The following PCYOX1L variants were observed in gnomAD, a reference collection of about 807,000 sequenced individuals.
PCYOX1L encodes prenylcysteine oxidase 1-like.
In PCYOX1L, 40 loss-of-function variants were observed where a neutral mutation model predicts 44.1. The ratio of observed to expected loss-of-function variants is 0.91; its 90% CI spans 0.70 to 1.18. The LOEUF is 1.18. Among genes scored for constraint, PCYOX1L ranks in the 50% most tolerant of loss-of-function variants. The pLI is 0.00. For missense variants in PCYOX1L, 605 were observed against 653.3 expected, an observed-to-expected ratio of 0.93 and a Z score of 0.81; for synonymous variants, 266 against 282.8, an observed-to-expected ratio of 0.94 and a Z score of 0.60.
At chr5:149,363,129 T>C (rs1007099130) in intron 2 of PCYOX1L, 4 of 563,068 alleles carry the variant, frequency 7.1e-6, no homozygotes, top group Non-Finnish European at 1.3e-5. Context: ...TTCCACATGC[T>C]AGTGCTTGCC....
chr5:149,363,297 A>G (rs1758074181), intron 2 of PCYOX1L: 2 of 354,078 alleles, frequency 5.6e-6, no homozygotes, highest in Non-Finnish European at 1.1e-5. Context: ...ACCCAGCAGC[A>G]TCTGTCCAAT....
Position 149,368,141 on chromosome 5 carries a change from C to T in PCYOX1L, c.972C>T (p.Asp324=), listed in dbSNP as rs200595987. 16 of 1,613,236 alleles carry T rather than the reference C, an allele frequency of 9.9e-6. No individual in the cohort carries two copies. Among genetic ancestry groups the T allele is most frequent in the South Asian group, 4.4e-5 (4 of 90,966 alleles). The stretch of plus-strand genomic sequence containing the variant: ...CAGGCTTCCACCCGCCCATTGATGA[C>T]GTGCAGGGCTCTTTCCAGCCCACCG... ...TFAGFHPPID[D]VQGSFQPTVV... Residue 324 remains aspartate, a synonymous_variant, in exon 6 of 6, where the codon GAC becomes GAT. Coordinates refer to ENST00000274569, the MANE Select transcript of PCYOX1L (RefSeq NM_024028.4).
rs747203214 is a variant in PCYOX1L, at chr5:149,362,851, G to A, written c.295+8G>A. On this transcript the variant is annotated splice_region_variant and intron_variant, in intron 2 of 5. Coordinates refer to ENST00000274569, the MANE Select transcript of PCYOX1L (RefSeq NM_024028.4). ...ACTTCGTCAAGCTGCTGGGTGAGTG[G>A]TCAGTCCTGGGGCTCCAGTGCCCAG... The A allele has an allele frequency of 6.2e-7, 1 of 1,613,250 alleles. No homozygotes were observed. The highest frequency in any genetic ancestry group is 1.3e-5 in the African/African-American group (1 of 74,954).
rs1758055204 is a variant in PCYOX1L at position 149,362,805 on chromosome 5, C to T, written c.257C>T (p.Ser86Phe). The T allele has an allele frequency of 1.2e-6, 2 of 1,614,020 alleles. No homozygotes were observed. Among genetic ancestry groups the T allele is most frequent in the Admixed American group, 1.7e-5 (1 of 60,012 alleles). ...GAGAGCGGGGCTGCCTCCTTCCACT[C>T]CCTGAGCCTGCACATGCAGGACTTC... is the stretch of plus-strand genomic sequence containing the variant. ...HYESGAASFH[S>F]LSLHMQDFVK... is the part of the protein sequence containing the mutation. Residue 86 changes from serine (S) to phenylalanine (F), a missense_variant, in exon 2 of 6, where the codon TCC becomes TTC. Coordinates refer to ENST00000274569, the MANE Select transcript of PCYOX1L (RefSeq NM_024028.4).
In PCYOX1L at chr5:149,362,427, G is replaced by A. The variant is rs906915817; in HGVS notation, c.89-210G>A. The A allele has an allele frequency of 1.4e-5, 8 of 584,070 alleles. No individual in the cohort carries two copies. In the Middle Eastern group the frequency reaches 1.4e-3, roughly 99 times the overall value. The allele number at this position is 584,070 out of a possible 1,614,324, so 36.2% of individuals were successfully genotyped here. On this transcript the variant is annotated intron_variant, in intron 1 of 5. Coordinates refer to ENST00000274569, the MANE Select transcript of PCYOX1L (RefSeq NM_024028.4). ...ATACCTTTTTCTTTATGAAACGAAA[G>A]TATAGTAGGCAGCAGTTTTCAGGTT... is the stretch of plus-strand genomic sequence containing the variant.
At chr5:149,359,623 C>T (rs1757953039) in intron 1 of PCYOX1L, among the ~76,000 whole-genome samples, 1 of 152,222 alleles carries the variant, frequency 6.6e-6, no homozygotes, top group African/African-American at 2.4e-5. Flanking sequence ...CAGGACATTT[C>T]TCACCATTGG....
chr5:149,365,021 C>G (rs1054089439), intron 3 of PCYOX1L: 2 of 152,804 alleles, frequency 1.3e-5, no homozygotes, highest in African/African-American at 4.8e-5. Flanking sequence ...TTCAGTGTCA[C>G]TCAAGTGTGG....
Position 149,368,345 on chromosome 5 carries a change from T to A in PCYOX1L, c.1176T>A (p.Ala392=). Residue 392 remains alanine, a synonymous_variant, in exon 6 of 6, where the codon GCT becomes GCA. Transcript: ENST00000274569. ...SFRRKQPQEA[A]VWRVQSPKPL... Reference sequence around the variant, plus strand: ...GGCGAAAGCAGCCCCAGGAGGCAGCTGTTTGGCGAGTCCAGTCCCCCAAGC... The same window carrying A: ...GGCGAAAGCAGCCCCAGGAGGCAGCAGTTTGGCGAGTCCAGTCCCCCAAGC... 6.2e-7 allele frequency: 1 copy of A among 1,614,186 alleles called. No homozygotes were observed. The highest frequency in any genetic ancestry group is 8.5e-7 in the Non-Finnish European group (1 of 1,180,028).
rs200064720 is a variant in PCYOX1L at position 149,361,664 on chromosome 5, TG to T, written c.89-972del. The stretch of plus-strand genomic sequence containing the variant: ...TTTTTTTGAGATGGAGTTTTGCTCT[TG>T]TTTCCCAGGCTGGAGTGCAATGGCA... On this transcript the variant is annotated intron_variant, in intron 1 of 5. Coordinates refer to ENST00000274569, the MANE Select transcript of PCYOX1L (RefSeq NM_024028.4). 8.7e-3 allele frequency among the ~76,000 whole-genome samples: 1,325 copies of T among 152,282 alleles called. 18 individuals carry two copies. Among genetic ancestry groups the T allele is most frequent in the African/African-American group, 0.03 (1,257 of 41,542 alleles).
chr5:149,368,852 TAAGAAAAGAG>T lies in PCYOX1L; in HGVS notation c.*202_*211del. 2.3e-6 allele frequency: 1 copy of T among 428,000 alleles called. No homozygotes were observed. Among genetic ancestry groups the T allele is most frequent in the Non-Finnish European group, 4.0e-6 (1 of 249,482 alleles). The allele number at this position is 428,000 out of a possible 1,614,324, so 26.5% of individuals were successfully genotyped here. On this transcript the variant is annotated 3_prime_UTR_variant, in exon 6 of 6. Transcript: ENST00000274569. ...TGCTGCTTTTTTTTAAGGGGGAAAG[TAAGAAAAGAG>T]AAGGAAATCCAAGCCAGTATATTTG...
intron 1 of PCYOX1L, among the ~76,000 whole-genome samples, chr5:149,360,308 G>A (rs751554122): frequency 6.6e-6 from 1 of 152,168 alleles, no homozygotes; most frequent in South Asian, 2.1e-4. Flanking sequence ...ATGAAGTGGT[G>A]TCTTCTGCTT....
chr5:149,363,160 G>A (rs1333800697), intron 2 of PCYOX1L: 1 of 476,538 alleles, frequency 2.1e-6, no homozygotes, highest in African/African-American at 1.9e-5. Context: ...TGGGTGGTAT[G>A]TAGGCATTAC....
chr5:149,365,942 GATCT>G lies in PCYOX1L; in HGVS notation c.474_477del (p.Tyr159SerfsTer27). The G allele has an allele frequency of 6.2e-7, 1 of 1,614,140 alleles. No homozygotes were observed. Among genetic ancestry groups the G allele is most frequent in the Non-Finnish European group, 8.5e-7 (1 of 1,180,018 alleles). ...GACTCCAGCTCTATGTGTCTTCTAG[GATCT>G]ATAAGTACCAGGCCCACGGCTATGC... is the stretch of plus-strand genomic sequence containing the variant. On this transcript the variant is annotated frameshift_variant and splice_region_variant, in exon 4 of 6. Transcript: ENST00000274569. LOFTEE classifies it high-confidence loss of function.
In PCYOX1L at chr5:149,364,061, G is replaced by C. The variant is rs750379727; in HGVS notation, c.321G>C (p.Val107=). The C allele has an allele frequency of 2.5e-6, 4 of 1,613,946 alleles. No homozygotes were observed. In the African/African-American group the frequency reaches 5.3e-5, roughly 22 times the overall value. ...GGCTGAGGCACCGGCGCGAGGTGGTGGGCAGGAGCGCCATCTTCGGCGGGG... is the reference window on the plus strand; with the variant it reads ...GGCTGAGGCACCGGCGCGAGGTGGTCGGCAGGAGCGCCATCTTCGGCGGGG... ...LLGLRHRREV[V]GRSAIFGGEH... is the part of the protein sequence containing the mutation. Residue 107 remains valine (V), a synonymous_variant, in exon 3 of 6, where the codon GTG becomes GTC. Coordinates refer to ENST00000274569, the MANE Select transcript of PCYOX1L (RefSeq NM_024028.4).
At position 149,365,980 on chromosome 5, in the gene PCYOX1L, G is replaced by A; in HGVS notation, c.509G>A (p.Gly170Asp). ...CAGGCCCACGGCTATGCCTTCTCGG[G>A]TGTGGAGGAGCTGCTCTACTCACTG... ...KYQAHGYAFS[G>D]VEELLYSLGE... Residue 170 changes from glycine (G) to aspartate (D), a missense_variant, in exon 4 of 6, where the codon GGT (glycine) becomes GAT (aspartate). Transcript: ENST00000274569. 6.2e-7 allele frequency: 1 copy of A among 1,614,220 alleles called. No homozygotes were observed. Among genetic ancestry groups the A allele is most frequent in the Non-Finnish European group, 8.5e-7 (1 of 1,180,032 alleles).
In PCYOX1L at chr5:149,362,358, G is replaced by T. The variant is rs1054156642; in HGVS notation, c.89-279G>T. 1.3e-5 allele frequency: 6 copies of T among 461,794 alleles called. No homozygotes were observed. In the Admixed American group the frequency reaches 1.8e-4, roughly 14 times the overall value. 28.6% of individuals were successfully genotyped at this position (461,794 alleles called of 1,614,324 possible). On this transcript the variant is annotated intron_variant, in intron 1 of 5. Transcript: ENST00000274569. Reference sequence around the variant, plus strand: ...AAACTAAATTTATTCTCTTTAATTGGTCATCCTGACTTTCAGTATTCTTTG... The same window carrying T: ...AAACTAAATTTATTCTCTTTAATTGTTCATCCTGACTTTCAGTATTCTTTG...
chr5:149,366,058 T>C lies in PCYOX1L; in HGVS notation c.587T>C (p.Leu196Pro). The change falls in exon 4 of 6, where the codon CTG becomes CCG. Residue 196 changes from leucine to proline, a missense_variant. Leu to Pro is a moderately conservative substitution (Grantham distance 98). Transcript: ENST00000274569. Reference protein sequence around the residue: ...MTQHSVAESLLQVGVTQRFID... With the variant: ...MTQHSVAESLPQVGVTQRFID... Reference sequence around the variant, plus strand: ...CAGCACTCTGTGGCTGAGTCCCTGCTGCAGGTGGGCGTCACGCAGCGCTTT... The same window carrying C: ...CAGCACTCTGTGGCTGAGTCCCTGCCGCAGGTGGGCGTCACGCAGCGCTTT... 2 of 1,614,264 alleles carry C rather than the reference T, an allele frequency of 1.2e-6. No individual in the cohort carries two copies. Among genetic ancestry groups the C allele is most frequent in the Non-Finnish European group, 1.7e-6 (2 of 1,180,046 alleles).
chr5:149,358,262 G>A, intron 1 of PCYOX1L, 106 bp downstream of exon 1: 2 of 1,265,470 alleles, frequency 1.6e-6, no homozygotes, highest in African/African-American at 1.6e-5. Context: ...GTGAGGGAGG[G>A]GTCCTCGGAA....
At chr5:149,367,897 A>G in intron 5 of PCYOX1L, 96 bp from the exon 6 acceptor site, 1 of 1,319,542 alleles carries the variant, frequency 7.6e-7, no homozygotes, top group Non-Finnish European at 1.0e-6. Context: ...CACCCTGAGC[A>G]CCAGGGTCTC....
Sources: allele counts gnomAD v4.1 joint callset (sites outside exome capture counted in the v4.1 genomes callset), GRCh38; gene constraint gnomAD v4.1.1; transcripts MANE v1.5; gene names NCBI Gene and HGNC (gene_info 2026-07-23, HGNC 2026-07-21).